TBC1D1: variants seen among roughly 807,000 people sequenced by gnomAD.
TBC1D1 encodes the protein TBC1 (tre-2/USP6, BUB2, cdc16) domain family, member 1.
Under a neutral mutation model 125.6 loss-of-function variants are expected in TBC1D1, and 89 were observed. That is an observed-to-expected ratio of 0.71 (90% CI 0.60 to 0.85). The LOEUF (loss-of-function observed/expected upper bound fraction) is 0.85, where lower values mean the gene tolerates loss of function less well. Among genes scored for constraint, TBC1D1 ranks in the 40% least tolerant of loss-of-function variants. The probability of loss-of-function intolerance (pLI) is 0.00; values close to 1 mark genes in which losing one functional copy is unlikely to be tolerated. For missense variants in TBC1D1, 1,377 were observed against 1,469.2 expected, an observed-to-expected ratio of 0.94 and a Z score of 1.03; for synonymous variants, 565 against 564.1, an observed-to-expected ratio of 1.00 and a Z score of -0.02.
intron 11 of TBC1D1, 134 bp downstream of exon 12, chr4:38,052,194 TGCGCGC>T (rs561090742): frequency 5.7e-4 from 333 of 581,332 alleles, no homozygotes; most frequent in African/African-American, 1.6e-3. Flanking sequence ...TGTGTGTGTG[TGCGCGC>T]GCGTGTGTGT....
rs960753943 is a variant in TBC1D1, at chr4:38,028,366, A to G, written c.1302+487A>G. ...TTTTTAGTAGAGACAGGCTTTCACC[A>G]TGTTGGTCAGGCTGTTCTCGAACTC... On this transcript the variant is annotated intron_variant, in intron 7 of 19. Coordinates refer to ENST00000261439, the MANE Select transcript of TBC1D1 (RefSeq NM_015173.4). Among the ~76,000 whole-genome samples, 2 of 152,164 alleles carry G rather than the reference A, an allele frequency of 1.3e-5. 1 individual carries two copies. Among genetic ancestry groups the G allele is most frequent in the African/African-American group, 4.8e-5 (2 of 41,524 alleles).
At chr4:37,892,669 G>A (rs768525283) in intron 1 of TBC1D1, among the ~76,000 whole-genome samples, 3 of 152,270 alleles carry the variant, frequency 2.0e-5, no homozygotes, top group African/African-American at 7.2e-5. Flanking sequence ...TTGCAAATGC[G>A]TCTCCTTGTC....
intron 19 of TBC1D1, among the ~76,000 whole-genome samples, chr4:38,136,280 G>A (rs138084558): frequency 8.7e-4 from 132 of 152,294 alleles, no homozygotes; most frequent in African/African-American, 3.0e-3. Context: ...AGGTGCTGAG[G>A]ATGTAGACTG....
At chr4:38,100,690 G>A (rs1448425472) in intron 14 of TBC1D1, among the ~76,000 whole-genome samples, 1 of 152,004 alleles carries the variant, frequency 6.6e-6, no homozygotes, top group Non-Finnish European at 1.5e-5. Context: ...CAGGGGCCCT[G>A]TATTTCTTCT....
intron 2 of TBC1D1, among the ~76,000 whole-genome samples, chr4:37,956,534 G>A (rs1005349749): frequency 1.3e-5 from 2 of 152,268 alleles, no homozygotes; most frequent in South Asian, 2.1e-4. Flanking sequence ...TCCTCATTGT[G>A]CTTTAACACA....
At chr4:37,895,437 C>A (rs1004551724) in intron 1 of TBC1D1, among the ~76,000 whole-genome samples, 1 of 152,162 alleles carries the variant, frequency 6.6e-6, no homozygotes, top group Non-Finnish European at 1.5e-5. Context: ...ATTTATATGA[C>A]TCGTGCCTGT....
Position 37,952,326 on chromosome 4 carries a change from G to A in TBC1D1, c.417+49814G>A, listed in dbSNP as rs117771383. On this transcript the variant is annotated intron_variant, in intron 2 of 19. Transcript: ENST00000261439. ...ACTTGGGGAAAGGGCTGATAATCTT[G>A]TGCTAAATCACTGATGGAATATAAA... 5.1e-4 allele frequency: 252 copies of A among 495,742 alleles called. 2 individuals are homozygous for A. In the East Asian group the frequency reaches 6.4e-3, roughly 13 times the overall value. 30.7% of individuals were successfully genotyped at this position (495,742 alleles called of 1,614,324 possible).
intron 12 of TBC1D1, among the ~76,000 whole-genome samples, chr4:38,055,644 A>G (rs1421933058): frequency 6.6e-6 from 1 of 151,946 alleles, no homozygotes. Flanking sequence ...AGTAGTTTGT[A>G]CCTATAAAGT....
chr4:38,020,587 G>A lies in TBC1D1; in HGVS notation c.973-4G>A. ...CTGAACATCTCGTTCTCTCCCTTTG[G>A]CAGGGCATCAGACACGTGGACCACT... On this transcript the variant is annotated splice_region_variant and splice_polypyrimidine_tract_variant and intron_variant, in intron 4 of 19. Coordinates refer to ENST00000261439, the MANE Select transcript of TBC1D1 (RefSeq NM_015173.4). 1 of 1,611,840 alleles carries A rather than the reference G, an allele frequency of 6.2e-7. No homozygotes were observed.
chr4:38,127,310 C>G (rs1764811902), intron 18 of TBC1D1, among the ~76,000 whole-genome samples: 1 of 151,742 alleles, frequency 6.6e-6, no homozygotes, highest in South Asian at 2.1e-4. Flanking sequence ...AAGAAAATAG[C>G]TGTGCGTGTA....
At chr4:38,011,366 AAAG>A (rs1422289805) in intron 2 of TBC1D1, among the ~76,000 whole-genome samples, 2 of 151,858 alleles carry the variant, frequency 1.3e-5, no homozygotes, top group Non-Finnish European at 2.9e-5. Context: ...AAAAAAAAAA[AAAG>A]AAAAAGAAAA....
intron 2 of TBC1D1, among the ~76,000 whole-genome samples, chr4:37,998,791 A>G (rs1487555178): frequency 4.6e-5 from 7 of 152,360 alleles, no homozygotes; most frequent in South Asian, 2.1e-4. Flanking sequence ...TCTGGCACAC[A>G]GTGGGCCTGA....
At chr4:38,118,450 C>T in intron 17 of TBC1D1, 3 of 457,504 alleles carry the variant, frequency 6.6e-6, no homozygotes, top group Non-Finnish European at 1.2e-5. Context: ...GATCGCTCAC[C>T]ATGAGGGTCT....
intron 2 of TBC1D1, among the ~76,000 whole-genome samples, chr4:37,932,048 A>G (rs1002586231): frequency 1.3e-5 from 2 of 152,122 alleles, no homozygotes; most frequent in Non-Finnish European, 2.9e-5. Context: ...TCTTGAACTC[A>G]TCTGTCATTG....
At position 37,902,461 on chromosome 4, in the gene TBC1D1, T is replaced by C. The variant is rs2279026; in HGVS notation, c.366T>C (p.Ala122=). The C allele has an allele frequency of 0.25, 403,960 of 1,613,168 alleles. 56,657 individuals carry two copies. Among genetic ancestry groups the C allele is most frequent in the African/African-American group, 0.58 (43,238 of 74,880 alleles). Reference sequence around the variant, plus strand: ...TTGCTTGTCTGATTAAGGAAGACGCTGTCCACCGGCAGAGTATCTGCTATG... The same window carrying C: ...TTGCTTGTCTGATTAAGGAAGACGCCGTCCACCGGCAGAGTATCTGCTATG... The change falls in exon 2 of 20, where the codon GCT becomes GCC. Residue 122 remains alanine, a synonymous_variant. Transcript: ENST00000261439.
intron 2 of TBC1D1, among the ~76,000 whole-genome samples, chr4:37,930,686 G>T (rs2152288096): frequency 6.6e-6 from 1 of 152,258 alleles, no homozygotes; most frequent in East Asian, 1.9e-4. Flanking sequence ...GAAATGCTGT[G>T]TTCTGTGGTT....
chr4:38,093,352 A>G (rs1758744647), intron 13 of TBC1D1, among the ~76,000 whole-genome samples: 2 of 152,184 alleles, frequency 1.3e-5, no homozygotes, highest in Admixed American at 1.3e-4. Context: ...TCTGGAAAGA[A>G]CCATACTATG....
intron 12 of TBC1D1, among the ~76,000 whole-genome samples, chr4:38,083,528 G>A (rs1291858481): frequency 6.6e-6 from 1 of 152,240 alleles, no homozygotes; most frequent in African/African-American, 2.4e-5. Context: ...AAGAATGGTA[G>A]TTGACATTTT....
chr4:37,902,918 A>G lies in TBC1D1; in HGVS notation c.417+406A>G, dbSNP rs560706442. ...GGTGGACCCCAAGACTGCATTTGTA[A>G]CAAGCTGCCAAGAAATGCTGATGCT... On this transcript the variant is annotated intron_variant, in intron 2 of 19. Transcript: ENST00000261439. Among the ~76,000 whole-genome samples, 7 of 152,324 alleles carry G rather than the reference A, an allele frequency of 4.6e-5. No homozygotes were observed. The South Asian group carries it at 1.0e-3, about 23-fold the overall frequency.
Sources: gnomAD v4.1 joint callset for allele counts (sites outside exome capture counted in the v4.1 genomes callset) on GRCh38, gnomAD v4.1.1 for gene constraint, MANE v1.5 for transcripts, NCBI Gene and HGNC (gene_info 2026-07-23, HGNC 2026-07-21) for gene names.